The following GTF3C1 variants were observed in gnomAD, a reference collection of about 807,000 sequenced individuals.
GTF3C1 encodes the protein general transcription factor IIIC subunit 1, also known as general transcription factor 3C polypeptide 1.
GTF3C1 carries 57 observed loss-of-function variants against 226.7 expected under a neutral mutation model. That is an observed-to-expected ratio of 0.25 (90% CI 0.20 to 0.31). The LOEUF (loss-of-function observed/expected upper bound fraction) is 0.31, where lower values mean the gene tolerates loss of function less well. GTF3C1 is among the 10% of genes least tolerant of loss of function. The probability of loss-of-function intolerance (pLI) is 1.00; values close to 1 mark genes in which losing one functional copy is unlikely to be tolerated. For missense variants in GTF3C1, 2,217 were observed against 2,776.1 expected (o/e 0.80, Z 4.53); for synonymous variants, 1,090 against 1,084.8 (o/e 1.00, Z -0.09).
intron 28 of GTF3C1, 78 bp from the exon 29 acceptor site, chr16:27,476,622 A>C: frequency 2.5e-6 from 2 of 797,798 alleles, no homozygotes; most frequent in Non-Finnish European, 4.3e-6. Context: ...CTTAGGGAAA[A>C]AAACTTGAAT....
At chr16:27,505,353 C>A (rs1160453041) in intron 10 of GTF3C1, among the ~76,000 whole-genome samples, 2 of 152,314 alleles carry the variant, frequency 1.3e-5, no homozygotes, top group Non-Finnish European at 2.9e-5. Context: ...CTCCACCTTG[C>A]CAGTGCTGAC....
intron 32 of GTF3C1, among the ~76,000 whole-genome samples, chr16:27,467,081 T>C (rs1307576317): frequency 1.3e-5 from 2 of 152,366 alleles, no homozygotes; most frequent in South Asian, 2.1e-4. Flanking sequence ...GTGGATACAC[T>C]AAACAGATTT....
chr16:27,533,088 C>T (rs1308741773), intron 5 of GTF3C1, among the ~76,000 whole-genome samples: 1 of 152,128 alleles, frequency 6.6e-6, no homozygotes, highest in South Asian at 2.1e-4. Context: ...GCCACTGTCG[C>T]ACCACCGCAC....
At position 27,484,924 on chromosome 16, in the gene GTF3C1, G is replaced by A. The variant is rs546100917; in HGVS notation, c.3859-571C>T. On this transcript the variant is annotated intron_variant, in intron 24 of 36. Transcript: ENST00000356183. ...AAGTCTGTAAGTTCTGGTAAGCGGC[G>A]AGAGTCCATCAACACTGACCTATGC... is the stretch of plus-strand genomic sequence containing the variant. Among the ~76,000 whole-genome samples, 77 of 152,334 alleles carry A rather than the reference G, an allele frequency of 5.1e-4. 1 individual carries two copies. Among genetic ancestry groups the A allele is most frequent in the African/African-American group, 1.7e-3 (71 of 41,576 alleles).
At position 27,492,454 on chromosome 16, in the gene GTF3C1, T is replaced by C; in HGVS notation, c.3035A>G (p.Tyr1012Cys). 6.2e-7 allele frequency: 1 copy of C among 1,612,614 alleles called. No individual in the cohort carries two copies. The highest frequency in any genetic ancestry group is 1.1e-5 in the South Asian group (1 of 91,064). Residue 1012 changes from tyrosine (Y) to cysteine (C), a missense_variant, in exon 19 of 37, where the codon TAC (tyrosine) becomes TGC (cysteine). Around this residue, in one of 12 missense-constraint regions of GTF3C1, gnomAD observed 353 missense variants for 411.7 expected, o/e 0.86. Coordinates refer to ENST00000356183, the MANE Select transcript of GTF3C1 (RefSeq NM_001520.4). The surrounding 1 kb of genome is among the most constrained non-coding windows in gnomAD (Gnocchi z 5.0). ...GGGCCGGCTGCTGCGGGCCAGGTTGTAATGTGGGTCGCAGATGGTAGTGTC... is the reference window on the plus strand; with the variant it reads ...GGGCCGGCTGCTGCGGGCCAGGTTGCAATGTGGGTCGCAGATGGTAGTGTC... ...IVDTTICDPH[Y>C]NLARSSRPFE...
intron 26 of GTF3C1, 82 bp from the exon 27 acceptor site, chr16:27,481,273 G>C: frequency 8.4e-7 from 1 of 1,183,572 alleles, no homozygotes; most frequent in Non-Finnish European, 1.3e-6. Flanking sequence ...GGAATATCTT[G>C]TAACAAACTC....
At chr16:27,491,765 T>C (rs984467000) in intron 19 of GTF3C1, among the ~76,000 whole-genome samples, 1 of 152,176 alleles carries the variant, frequency 6.6e-6, no homozygotes, top group Non-Finnish European at 1.5e-5. Context: ...CATGGCCTCC[T>C]CTCTTTCTCC....
At chr16:27,474,795 G>A (rs1053511577) in intron 29 of GTF3C1, among the ~76,000 whole-genome samples, 1 of 152,162 alleles carries the variant, frequency 6.6e-6, no homozygotes, top group African/African-American at 2.4e-5. Context: ...ACACTTGACC[G>A]TATGTGTAAA....
intron 25 of GTF3C1, among the ~76,000 whole-genome samples, chr16:27,483,770 G>A (rs2088092879): frequency 6.6e-6 from 1 of 152,206 alleles, no homozygotes; most frequent in Admixed American, 6.5e-5. Flanking sequence ...GAACATGGCA[G>A]AGGGCATCCT....
intron 4 of GTF3C1, among the ~76,000 whole-genome samples, chr16:27,536,502 CAGA>C (rs2089003499): frequency 1.3e-5 from 2 of 152,296 alleles, no homozygotes; most frequent in African/African-American, 4.8e-5. Context: ...GAGGCTGAGG[CAGA>C]AGAATGGCTT....
chr16:27,468,985 G>A (rs1464455360), intron 32 of GTF3C1, among the ~76,000 whole-genome samples: 1 of 152,220 alleles, frequency 6.6e-6, no homozygotes, highest in Non-Finnish European at 1.5e-5. Flanking sequence ...AGTGGGCGGG[G>A]TGGGGAAGCG....
rs764440721 is a variant in GTF3C1, at chr16:27,463,508, C to A, written c.5924+33G>T. On this transcript the variant is annotated intron_variant, in intron 35 of 36. Coordinates refer to ENST00000356183, the MANE Select transcript of GTF3C1 (RefSeq NM_001520.4). This position sits in a 1 kb window ranked among gnomAD's most constrained non-coding sequence, Gnocchi z 4.9. ...CACTCGGTCCCTGTCAAGAGCCCCG[C>A]CCCAGGCCCCGGAGCCAGAACCCCA... The A allele has an allele frequency of 3.2e-5, 43 of 1,345,066 alleles. No individual in the cohort carries two copies. In the Admixed American group the frequency reaches 7.3e-4, roughly 23 times the overall value. 83.3% of individuals were successfully genotyped at this position (1,345,066 alleles called of 1,614,324 possible).
rs201914562 is a variant in GTF3C1, at chr16:27,495,315, G to A, written c.2528C>T (p.Pro843Leu). ...CTCCCAGGCACTTCCAGAGGAGGAC[G>A]GCCGGACGCCTGCCCTGCCTGACTC... ...KQESGRAGVR[P>L]SSSGSAWEAC... Residue 843 changes from proline (P) to leucine (L), a missense_variant, in exon 15 of 37, where the codon CCG (proline) becomes CTG (leucine). Pro to Leu is a moderately conservative substitution (Grantham distance 98). Transcript: ENST00000356183. 7.3e-5 allele frequency: 118 copies of A among 1,613,396 alleles called. No homozygotes were observed. The highest frequency in any genetic ancestry group is 8.8e-5 in the Non-Finnish European group (104 of 1,179,494).
intron 4 of GTF3C1, among the ~76,000 whole-genome samples, chr16:27,534,846 A>AT (rs529142582): frequency 4.0e-4 from 60 of 150,714 alleles, no homozygotes; most frequent in African/African-American, 9.5e-4. Flanking sequence ...TTATACACAG[A>AT]TTTTTTTTTT....
chr16:27,541,079 G>A lies in GTF3C1; in HGVS notation c.432-2723C>T, dbSNP rs2089074569. ...TGGTCTTGAACTCCTGGCCTCAAGT[G>A]ATCCACCCCCCTCGGCCTCCCAAAA... On this transcript the variant is annotated intron_variant, in intron 2 of 36. Coordinates refer to ENST00000356183, the MANE Select transcript of GTF3C1 (RefSeq NM_001520.4). 2.0e-5 allele frequency among the ~76,000 whole-genome samples: 3 copies of A among 152,192 alleles called. No homozygotes were observed. In the South Asian group the frequency reaches 6.2e-4, roughly 31 times the overall value.
Position 27,492,200 on chromosome 16 carries a change from G to C in GTF3C1, c.3151+138C>G, listed in dbSNP as rs80026980. 3.4e-3 allele frequency: 2,068 copies of C among 603,714 alleles called. 41 individuals are homozygous for C. The highest frequency in any genetic ancestry group is 0.034 in the African/African-American group (1,849 of 54,318). 37.4% of individuals were successfully genotyped at this position (603,714 alleles called of 1,614,324 possible). On this transcript the variant is annotated intron_variant, in intron 19 of 36. Transcript: ENST00000356183. This position sits in a 1 kb window ranked among gnomAD's most constrained non-coding sequence, Gnocchi z 5.0. ...CTTTCCTTTCCAAGGGAGCCCCAGGGGTGCTCTGGGCCTCTGGGGAGCACT... is the reference window on the plus strand; with the variant it reads ...CTTTCCTTTCCAAGGGAGCCCCAGGCGTGCTCTGGGCCTCTGGGGAGCACT...
intron 4 of GTF3C1, among the ~76,000 whole-genome samples, chr16:27,536,097 A>C (rs2088997348): frequency 6.6e-6 from 1 of 152,244 alleles, no homozygotes; most frequent in Non-Finnish European, 1.5e-5. Flanking sequence ...CAGACAATGT[A>C]AACTTATGGT....
At chr16:27,532,219 T>C (rs957010521) in intron 5 of GTF3C1, among the ~76,000 whole-genome samples, 6 of 152,208 alleles carry the variant, frequency 3.9e-5, no homozygotes, top group Admixed American at 3.9e-4. Context: ...GCCTCCAGAC[T>C]GTAACCACTG....
Position 27,492,839 on chromosome 16 carries a change from C to A in GTF3C1, c.2877-126G>T, listed in dbSNP as rs1596631110. The A allele has an allele frequency of 1.5e-6, 1 of 679,262 alleles. No homozygotes were observed. 42.1% of individuals were successfully genotyped at this position (679,262 alleles called of 1,614,324 possible). On this transcript the variant is annotated intron_variant, in intron 17 of 36. Coordinates refer to ENST00000356183, the MANE Select transcript of GTF3C1 (RefSeq NM_001520.4). The surrounding 1 kb of genome is among the most constrained non-coding windows in gnomAD (Gnocchi z 5.0). Reference sequence around the variant, plus strand: ...TTCCACCTGGTGGTCACTGGAGGACCAGCCTCAAGCCCACACTGCACTAAG... The same window carrying A: ...TTCCACCTGGTGGTCACTGGAGGACAAGCCTCAAGCCCACACTGCACTAAG...
Sources: gnomAD v4.1 joint callset for allele counts (sites outside exome capture counted in the v4.1 genomes callset) on GRCh38, gnomAD v4.1.1 for gene constraint, gnomAD v4.1.1 regional missense constraint, Gnocchi (gnomAD v3.1) non-coding constraint, MANE v1.5 for transcripts, NCBI Gene and HGNC (gene_info 2026-07-23, HGNC 2026-07-21) for gene names.